Variants in LRP1B observed in about 807,000 individuals in gnomAD.
LRP1B encodes the protein low-density lipoprotein receptor-related protein 1B.
Under a neutral mutation model 556.6 loss-of-function variants are expected in LRP1B, and 217 were observed. That is an observed-to-expected ratio of 0.39 (90% CI 0.35 to 0.44). LRP1B has a LOEUF of 0.44. Among genes scored for constraint, LRP1B ranks in the 20% least tolerant of loss-of-function variants. The probability of loss-of-function intolerance (pLI) is 1.00; values close to 1 mark genes in which losing one functional copy is unlikely to be tolerated. For missense variants in LRP1B, 5,053 were observed against 5,620.8 expected (o/e 0.90, Z 3.23); for synonymous variants, 2,047 against 1,865.8 (o/e 1.10, Z -2.50).
chr2:140,890,392 T>C (rs1041962208), intron 23 of LRP1B, among the ~76,000 whole-genome samples: 22 of 152,322 alleles, frequency 1.4e-4, no homozygotes, highest in African/African-American at 4.8e-4. Flanking sequence ...TCAAACATGT[T>C]TGAGTTTATA....
rs140355354 is a variant in LRP1B at position 140,769,233 on chromosome 2, A to G, written c.5738T>C (p.Val1913Ala). 151 of 1,611,850 alleles carry G rather than the reference A, an allele frequency of 9.4e-5. No homozygotes were observed. In the Middle Eastern group the frequency reaches 1.5e-3, roughly 16 times the overall value. The change falls in exon 35 of 91, where the codon GTG (valine) becomes GCG (alanine). Residue 1913 changes from valine to alanine, a missense_variant. Transcript: ENST00000389484. ...TTTACCTGCATGGAAATCTATTCCC[A>G]CGGCAAATGAAGTTCCTGATATAGG... ...LMPISGTSFA[V>A]GIDFHAENDT... is the part of the protein sequence containing the mutation.
intron 3 of LRP1B, among the ~76,000 whole-genome samples, chr2:141,323,940 T>TACACACACAC (rs1687339898): frequency 4.1e-5 from 1 of 24,294 alleles, no homozygotes; most frequent in Non-Finnish European, 9.5e-5. Context: ...CACACACACA[T>TACACACACAC]CTGAACAAGG....
At chr2:140,259,430 C>T (rs1681834554) in intron 86 of LRP1B, among the ~76,000 whole-genome samples, 1 of 151,920 alleles carries the variant, frequency 6.6e-6, no homozygotes, top group African/African-American at 2.4e-5. Context: ...CATCATATAA[C>T]AGTTTTAGAA....
rs79477265 is a variant in LRP1B at position 140,872,852 on chromosome 2, A to G, written c.4170-4589T>C. The stretch of plus-strand genomic sequence containing the variant: ...CATGAATCTGAAAGTCTAAGACAAG[A>G]AAAAAAAAAGGTCTTTATGAATCTA... On this transcript the variant is annotated intron_variant, in intron 25 of 90. Transcript: ENST00000389484. 2.0e-5 allele frequency among the ~76,000 whole-genome samples: 3 copies of G among 147,652 alleles called. No homozygotes were observed. In the East Asian group the frequency reaches 5.9e-4, roughly 29 times the overall value.
chr2:141,103,132 G>C (rs1214887135), intron 7 of LRP1B, among the ~76,000 whole-genome samples: 3 of 151,774 alleles, frequency 2.0e-5, no homozygotes, highest in Non-Finnish European at 4.4e-5. Context: ...TTGAGAGCCT[G>C]CTTCATCCAT....
At chr2:140,959,979 T>C (rs906428871) in intron 18 of LRP1B, among the ~76,000 whole-genome samples, 7 of 151,572 alleles carry the variant, frequency 4.6e-5, no homozygotes, top group African/African-American at 1.7e-4. Context: ...TGGGGTACTT[T>C]TCGTTCAGTT....
intron 3 of LRP1B, among the ~76,000 whole-genome samples, chr2:141,373,337 G>C (rs1237155395): frequency 6.6e-6 from 1 of 152,208 alleles, no homozygotes; most frequent in South Asian, 2.1e-4. Context: ...TGCATAGACT[G>C]TTCTGTAAAT....
chr2:140,867,506 G>A (rs531067852), intron 27 of LRP1B, 84 bp downstream of exon 27: 157 of 1,366,980 alleles, frequency 1.1e-4, no homozygotes, highest in South Asian at 1.1e-3. Flanking sequence ...TTAACTTATA[G>A]AAGTTATTTT....
intron 35 of LRP1B, among the ~76,000 whole-genome samples, chr2:140,745,889 T>C (rs1169892915): frequency 6.6e-6 from 1 of 152,202 alleles, no homozygotes; most frequent in Non-Finnish European, 1.5e-5. Context: ...AATAAACTAA[T>C]CTGTTTAGCA....
chr2:141,354,156 C>T (rs1210423298), intron 3 of LRP1B, among the ~76,000 whole-genome samples: 2 of 151,934 alleles, frequency 1.3e-5, no homozygotes, highest in African/African-American at 2.4e-5. Context: ...ACCAAACCCC[C>T]ACGACAAACA....
intron 1 of LRP1B, among the ~76,000 whole-genome samples, chr2:142,046,666 T>A (rs540916239): frequency 2.0e-5 from 3 of 152,092 alleles, no homozygotes; most frequent in Non-Finnish European, 4.4e-5. Context: ...GCCATTGAAG[T>A]GAAAGACTGA....
At chr2:141,757,579 A>G (rs1694369171) in intron 2 of LRP1B, among the ~76,000 whole-genome samples, 1 of 152,082 alleles carries the variant, frequency 6.6e-6, no homozygotes, top group African/African-American at 2.4e-5. Context: ...TTTTGAGACA[A>G]TCTTGCTCTG....
rs566678673 is a variant in LRP1B at position 141,139,585 on chromosome 2, G to GA, written c.1013+48835dup. Reference sequence around the variant, plus strand: ...ATATATGAATGGCAAATAAGGACATGAAAAAAAATTCAATATCATTAGTAA... The same window carrying GA: ...ATATATGAATGGCAAATAAGGACATGAAAAAAAAATTCAATATCATTAGTAA... On this transcript the variant is annotated intron_variant, in intron 7 of 90. Coordinates refer to ENST00000389484, the MANE Select transcript of LRP1B (RefSeq NM_018557.3). 1.7e-3 allele frequency among the ~76,000 whole-genome samples: 264 copies of GA among 151,550 alleles called. 1 individual carries two copies. Among genetic ancestry groups the GA allele is most frequent in the African/African-American group, 5.8e-3 (241 of 41,416 alleles).
At chr2:141,847,134 G>A (rs1281764410) in intron 1 of LRP1B, among the ~76,000 whole-genome samples, 3 of 151,474 alleles carry the variant, frequency 2.0e-5, no homozygotes, top group Non-Finnish European at 4.4e-5. Flanking sequence ...ACTAATAAGA[G>A]AACTCAGCAA....
chr2:141,395,867 A>C (rs1178903887), intron 3 of LRP1B, among the ~76,000 whole-genome samples: 2 of 152,208 alleles, frequency 1.3e-5, no homozygotes, highest in African/African-American at 4.8e-5. Flanking sequence ...TCCCAAAGCG[A>C]TAACGTTTGT....
intron 7 of LRP1B, among the ~76,000 whole-genome samples, chr2:141,185,150 TATTTA>T (rs1681185542): frequency 6.6e-6 from 1 of 152,086 alleles, no homozygotes; most frequent in South Asian, 2.1e-4. Context: ...TATTTGACCT[TATTTA>T]ATTCTTTCAA....
chr2:141,883,424 T>C (rs1474709924), intron 1 of LRP1B, among the ~76,000 whole-genome samples: 1 of 152,186 alleles, frequency 6.6e-6, no homozygotes, highest in African/African-American at 2.4e-5. Context: ...AAGACACTAT[T>C]AGGCAATGAT....
At chr2:141,503,157 A>G (rs1297679895) in intron 2 of LRP1B, among the ~76,000 whole-genome samples, 4 of 148,282 alleles carry the variant, frequency 2.7e-5, no homozygotes, top group Non-Finnish European at 5.9e-5. Context: ...ATAATTATAT[A>G]TGAGTAATAC....
intron 86 of LRP1B, among the ~76,000 whole-genome samples, chr2:140,253,994 C>CA (rs1404911904): frequency 6.6e-6 from 1 of 152,154 alleles, no homozygotes; most frequent in East Asian, 1.9e-4. Flanking sequence ...TGCTTAGTGC[C>CA]ATACAGATAA....
Sources: allele counts gnomAD v4.1 joint callset (sites outside exome capture counted in the v4.1 genomes callset), GRCh38; gene constraint gnomAD v4.1.1; transcripts MANE v1.5; gene names NCBI Gene and HGNC (gene_info 2026-07-23, HGNC 2026-07-21).